The following SCN9A variants were observed in gnomAD, a reference collection of about 807,000 sequenced individuals.
The protein encoded by SCN9A is sodium voltage-gated channel alpha subunit 9.
A neutral mutation model predicts 187.0 loss-of-function variants in SCN9A; 131 were observed. The ratio of observed to expected loss-of-function variants is 0.70; its 90% CI spans 0.61 to 0.81. The LOEUF (loss-of-function observed/expected upper bound fraction) is 0.81. Ranked by LOEUF, SCN9A falls within the 30% of genes least tolerant of loss-of-function variation. The pLI is 0.00. For missense variants in SCN9A, 2,252 were observed against 2,396.6 expected, an observed-to-expected ratio of 0.94 and a Z score of 1.26; for synonymous variants, 809 against 808.6, an observed-to-expected ratio of 1.00 and a Z score of -0.01.
At chr2:166,359,959 C>T (rs989585735) in intron 1 of SCN9A, among the ~76,000 whole-genome samples, 1 of 151,640 alleles carries the variant, frequency 6.6e-6, no homozygotes, top group African/African-American at 2.4e-5. Flanking sequence ...TGGTGGCTCA[C>T]GCCTATAATC....
At chr2:166,290,581 G>A (rs78447587) in intron 9 of SCN9A, among the ~76,000 whole-genome samples, 3 of 152,012 alleles carry the variant, frequency 2.0e-5, no homozygotes, top group Non-Finnish European at 4.4e-5. Flanking sequence ...AGAATCTATT[G>A]TTTCTCAACT....
chr2:166,276,481 A>G (rs978499812), intron 16 of SCN9A: 13 of 152,240 alleles, frequency 8.5e-5, no homozygotes, highest in African/African-American at 3.1e-4. Context: ...CCACTTAAAA[A>G]TGTAAAAATC....
chr2:166,353,965 C>T (rs538288286), intron 1 of SCN9A, among the ~76,000 whole-genome samples: 1 of 152,258 alleles, frequency 6.6e-6, no homozygotes, highest in South Asian at 2.1e-4. Context: ...CTTCTCCTAA[C>T]CCAAGCACTT....
intron 1 of SCN9A, among the ~76,000 whole-genome samples, chr2:166,337,656 T>A (rs1333382238): frequency 1.3e-5 from 2 of 151,808 alleles, no homozygotes; most frequent in African/African-American, 4.8e-5. Flanking sequence ...GAAAGTTGAG[T>A]TGGAATTCAG....
chr2:166,224,051 C>T lies in SCN9A; in HGVS notation c.4398+2516G>A, dbSNP rs541954081. ...GACTTTGGTGGTGATAGTATCAACC[C>T]ATCCTATTTTACTTCCTGCAGTAGA... On this transcript the variant is annotated intron_variant, in intron 24 of 26. Coordinates refer to ENST00000642356, the MANE Select transcript of SCN9A (RefSeq NM_001365536.1). Among the ~76,000 whole-genome samples, 3 of 152,206 alleles carry T rather than the reference C, an allele frequency of 2.0e-5. No homozygotes were observed. In the East Asian group the frequency reaches 5.8e-4, roughly 29 times the overall value.
At position 166,195,214 on chromosome 2, in the gene SCN9A, TTA is replaced by T. The variant is rs1335050588; in HGVS notation, c.*3456_*3457del. On this transcript the variant is annotated 3_prime_UTR_variant, in exon 27 of 27. Coordinates refer to ENST00000642356, the MANE Select transcript of SCN9A (RefSeq NM_001365536.1). ...ATTTTGTATAACTTTTATTCTTAGA[TTA>T]TATTACAATGTGTCAGTCTCAAGTA... 6.6e-6 allele frequency: 1 copy of T among 152,226 alleles called. No homozygotes were observed. The highest frequency in any genetic ancestry group is 2.4e-5 in the African/African-American group (1 of 41,472). The allele number at this position is 152,226 out of a possible 1,614,324, so 9.4% of individuals were successfully genotyped here. A position where few individuals can be genotyped will look rare whatever the true frequency, so the allele number is the denominator to read the frequency against.
At chr2:166,301,824 A>G (rs1698566912) in intron 7 of SCN9A, 1 of 151,054 alleles carries the variant, frequency 6.6e-6, no homozygotes, top group Non-Finnish European at 1.5e-5. Context: ...GAAACTGGAA[A>G]AGAGGGTAAA....
intron 20 of SCN9A, among the ~76,000 whole-genome samples, chr2:166,236,330 T>C (rs1695317344): frequency 6.6e-6 from 1 of 152,198 alleles, no homozygotes; most frequent in Non-Finnish European, 1.5e-5. Context: ...GTGTAATATA[T>C]AGCTATGTTA....
intron 17 of SCN9A, among the ~76,000 whole-genome samples, chr2:166,252,746 A>G (rs1465006981): frequency 2.0e-5 from 3 of 151,806 alleles, no homozygotes; most frequent in Non-Finnish European, 4.4e-5. Context: ...CCAGAGCTTT[A>G]TGAGTAACCA....
At chr2:166,206,121 C>G (rs1324088388) in intron 24 of SCN9A, among the ~76,000 whole-genome samples, 1 of 152,082 alleles carries the variant, frequency 6.6e-6, no homozygotes, top group African/African-American at 2.4e-5. Context: ...CCTCAAGAAT[C>G]TAAAACTAGA....
intron 24 of SCN9A, among the ~76,000 whole-genome samples, chr2:166,211,014 A>G (rs1242141505): frequency 1.3e-5 from 2 of 152,078 alleles, no homozygotes; most frequent in Non-Finnish European, 2.9e-5. Flanking sequence ...GTGAGCCAAG[A>G]TCATGCTACT....
chr2:166,306,902 AG>A, intron 3 of SCN9A, 53 bp downstream of exon 3: 1 of 1,007,620 alleles, frequency 9.9e-7, no homozygotes, highest in African/African-American at 1.6e-5. Context: ...TGAATAAAAT[AG>A]CAAAAATTAC....
rs1188005801 is a variant in SCN9A, at chr2:166,375,893, T to A, written c.-247A>T. 6.6e-6 allele frequency: 1 copy of A among 152,172 alleles called. No individual in the cohort carries two copies. The highest frequency in any genetic ancestry group is 2.4e-5 in the African/African-American group (1 of 41,462). The allele number at this position is 152,172 out of a possible 1,614,324, so 9.4% of individuals were successfully genotyped here. On this transcript the variant is annotated 5_prime_UTR_variant, in exon 1 of 27. Transcript: ENST00000642356. Reference sequence around the variant, plus strand: ...CCAGCCTCAGCCGAGCTGGCGGAATTGGAAAGCCGACAGCCGCCGCTGGAG... The same window carrying A: ...CCAGCCTCAGCCGAGCTGGCGGAATAGGAAAGCCGACAGCCGCCGCTGGAG...
intron 18 of SCN9A, among the ~76,000 whole-genome samples, chr2:166,251,226 G>A (rs932212863): frequency 6.6e-6 from 1 of 151,962 alleles, no homozygotes; most frequent in Non-Finnish European, 1.5e-5. Flanking sequence ...TTGAACATGT[G>A]GGGAGAAATC....
intron 7 of SCN9A, among the ~76,000 whole-genome samples, chr2:166,298,425 C>T (rs1698412668): frequency 6.6e-6 from 1 of 152,130 alleles, no homozygotes; most frequent in African/African-American, 2.4e-5. Context: ...TCAAAGTAGA[C>T]AGCAACACCA....
chr2:166,248,558 C>A (rs985874962), intron 18 of SCN9A, among the ~76,000 whole-genome samples: 1 of 152,104 alleles, frequency 6.6e-6, no homozygotes, highest in Non-Finnish European at 1.5e-5. Flanking sequence ...CTTAAGATTG[C>A]ACATTGTGAG....
intron 7 of SCN9A, among the ~76,000 whole-genome samples, chr2:166,299,273 G>A (rs1487598659): frequency 6.6e-6 from 1 of 151,000 alleles, no homozygotes; most frequent in Middle Eastern, 3.4e-3. Flanking sequence ...TTTCTTGGGA[G>A]AATTGTCTAC....
At chr2:166,299,100 C>A (rs887266349) in intron 7 of SCN9A, among the ~76,000 whole-genome samples, 2 of 152,170 alleles carry the variant, frequency 1.3e-5, no homozygotes, top group Non-Finnish European at 2.9e-5. Flanking sequence ...CTCCCCTTTA[C>A]TCTTTCACTT....
intron 9 of SCN9A, among the ~76,000 whole-genome samples, chr2:166,291,298 GCCA>G (rs1698057396): frequency 6.6e-6 from 1 of 152,040 alleles, no homozygotes; most frequent in African/African-American, 2.4e-5. Flanking sequence ...CAAGCAGAGA[GCCA>G]AATCATGAAT....
Sources: allele counts gnomAD v4.1 joint callset (sites outside exome capture counted in the v4.1 genomes callset), GRCh38; gene constraint gnomAD v4.1.1; transcripts MANE v1.5; gene names NCBI Gene and HGNC (gene_info 2026-07-23, HGNC 2026-07-21).